Variants in NCOA7 observed in about 807,000 individuals in gnomAD.
NCOA7 encodes the protein 140 kDa estrogen receptor-associated protein.
In NCOA7, 45 loss-of-function variants were observed where a neutral mutation model predicts 104.3. The observed-to-expected ratio is 0.43, with a 90% CI of 0.34 to 0.55. The LOEUF is 0.55. Ranked by LOEUF, NCOA7 falls within the 20% of genes least tolerant of loss-of-function variation. The pLI is 0.02. For missense variants in NCOA7, 1,041 were observed against 1,119.7 expected, an observed-to-expected ratio of 0.93 and a Z score of 1.00; for synonymous variants, 398 against 402.3, an observed-to-expected ratio of 0.99 and a Z score of 0.13.
chr6:125,831,456 T>G (rs1779176033), intron 2 of NCOA7, among the ~76,000 whole-genome samples: 1 of 152,120 alleles, frequency 6.6e-6, no homozygotes, highest in Non-Finnish European at 1.5e-5. Flanking sequence ...TCCAAATTTT[T>G]TATTTCTTTT....
At chr6:125,833,074 T>TA (rs941608965) in intron 2 of NCOA7, among the ~76,000 whole-genome samples, 10 of 152,240 alleles carry the variant, frequency 6.6e-5, no homozygotes, top group African/African-American at 2.4e-4. Context: ...ATCTTCAAAA[T>TA]AAAACTTCTG....
intron 2 of NCOA7, among the ~76,000 whole-genome samples, chr6:125,821,597 C>A (rs1192377081): frequency 2.0e-5 from 3 of 152,082 alleles, no homozygotes; most frequent in Non-Finnish European, 4.4e-5. Context: ...TATAAGCGAC[C>A]TTTTCAAAAA....
At chr6:125,783,830 C>T (rs1774340513) in intron 1 of NCOA7, among the ~76,000 whole-genome samples, 1 of 152,060 alleles carries the variant, frequency 6.6e-6, no homozygotes, top group African/African-American at 2.4e-5. Context: ...ACATGATTTT[C>T]TGTATTTTTT....
intron 1 of NCOA7, among the ~76,000 whole-genome samples, chr6:125,804,462 G>A (rs1467785625): frequency 1.3e-5 from 2 of 152,178 alleles, no homozygotes; most frequent in East Asian, 3.9e-4. Context: ...CAGGTACCCA[G>A]TAGTGATTGA....
intron 2 of NCOA7, among the ~76,000 whole-genome samples, chr6:125,845,924 G>A (rs112028855): frequency 1.1e-4 from 17 of 152,172 alleles, no homozygotes; most frequent in Middle Eastern, 3.4e-3. Flanking sequence ...ATGGAGTCAT[G>A]CTGCAATACT....
chr6:125,890,611 T>C (rs1784557387), intron 9 of NCOA7, 31 bp from the exon 10 acceptor site: 1 of 1,588,092 alleles, frequency 6.3e-7, no homozygotes. Flanking sequence ...ATTGTCAATA[T>C]TGAGGAACAG....
At chr6:125,875,764 A>T (rs1562958882) in intron 4 of NCOA7, among the ~76,000 whole-genome samples, 1 of 152,196 alleles carries the variant, frequency 6.6e-6, no homozygotes, top group Non-Finnish European at 1.5e-5. Flanking sequence ...CTCATGCTTT[A>T]ATTCATATAT....
Position 125,829,263 on chromosome 6 carries a change from G to C in NCOA7, c.50+13859G>C, listed in dbSNP as rs1350564067. Among the ~76,000 whole-genome samples the C allele has an allele frequency of 2.0e-5, 3 of 151,890 alleles. No homozygotes were observed. In the East Asian group the frequency reaches 5.8e-4, roughly 29 times the overall value. On this transcript the variant is annotated intron_variant, in intron 2 of 15. Transcript: ENST00000392477. ...TTGAGCTCCTGTTTCAATTTTTTTA[G>C]TAGAACTTTTACATATTATTTTAAG...
At chr6:125,874,072 C>T (rs1004336808) in intron 3 of NCOA7, among the ~76,000 whole-genome samples, 6 of 152,198 alleles carry the variant, frequency 3.9e-5, no homozygotes, top group Non-Finnish European at 7.3e-5. Flanking sequence ...CACCTGTAAT[C>T]CCAACACTTC....
At chr6:125,809,677 T>G (rs1360948367) in intron 1 of NCOA7, among the ~76,000 whole-genome samples, 2 of 152,206 alleles carry the variant, frequency 1.3e-5, no homozygotes, top group Non-Finnish European at 2.9e-5. Context: ...AACTATTTTC[T>G]AGGAGGAAAT....
At chr6:125,814,480 G>T (rs915796661) in intron 1 of NCOA7, among the ~76,000 whole-genome samples, 2 of 152,172 alleles carry the variant, frequency 1.3e-5, no homozygotes, top group African/African-American at 4.8e-5. Flanking sequence ...AATTTGATAG[G>T]TGAACAAACT....
In NCOA7 at chr6:125,921,021, G is replaced by A. The variant is rs776045538; in HGVS notation, c.2323G>A (p.Val775Ile). 1.2e-5 allele frequency: 20 copies of A among 1,613,806 alleles called. No individual in the cohort carries two copies. The East Asian group carries it at 3.8e-4, about 31-fold the overall frequency. The change falls in exon 12 of 16, where the codon GTC becomes ATC. Residue 775 changes from valine to isoleucine, a missense_variant. By Grantham distance (29) the Val-to-Ile change is conservative. This residue lies in a region of NCOA7 where 914 missense variants were observed against 942.7 expected (regional missense o/e 0.97). Coordinates refer to ENST00000392477, the MANE Select transcript of NCOA7 (RefSeq NM_181782.5). ...YEDEDEEVLP[V>I]LRPHSALLEN... ...AGACGAGGACGAAGAGGTGCTGCCT[G>A]TCCTACGGCCCCACAGCGCGCTCCT...
At chr6:125,804,923 G>T (rs970398676) in intron 1 of NCOA7, among the ~76,000 whole-genome samples, 1 of 151,796 alleles carries the variant, frequency 6.6e-6, no homozygotes, top group Non-Finnish European at 1.5e-5. Flanking sequence ...TGTGCTTTCC[G>T]GTTAGCTCTT....
At chr6:125,918,637 C>CTTA (rs2128693754) in intron 11 of NCOA7, among the ~76,000 whole-genome samples, 1 of 152,270 alleles carries the variant, frequency 6.6e-6, no homozygotes, top group African/African-American at 2.4e-5. Context: ...ACTCATCCTG[C>CTTA]TTATTAGTCA....
chr6:125,921,316 A>G (rs552070108), intron 12 of NCOA7, among the ~76,000 whole-genome samples: 1 of 152,318 alleles, frequency 6.6e-6, no homozygotes, highest in Admixed American at 6.5e-5. Context: ...AGGCTGAGAC[A>G]GGAGAATTGC....
intron 1 of NCOA7, among the ~76,000 whole-genome samples, chr6:125,797,380 T>C (rs1721832302): frequency 6.6e-6 from 1 of 152,208 alleles, no homozygotes; most frequent in Non-Finnish European, 1.5e-5. Flanking sequence ...GATAGCTGAT[T>C]AACAGAGGAT....
chr6:125,910,309 A>G (rs1258996600), intron 10 of NCOA7, among the ~76,000 whole-genome samples: 1 of 152,178 alleles, frequency 6.6e-6, no homozygotes, highest in Non-Finnish European at 1.5e-5. Context: ...CTAGCCAGCA[A>G]CCTATTAGGA....
chr6:125,844,810 G>A (rs1362181801), intron 2 of NCOA7, among the ~76,000 whole-genome samples: 1 of 152,128 alleles, frequency 6.6e-6, no homozygotes, highest in Non-Finnish European at 1.5e-5. Context: ...TGCTTTATAT[G>A]TTCTCTCATT....
intron 11 of NCOA7, among the ~76,000 whole-genome samples, chr6:125,918,275 A>G (rs1055451484): frequency 2.0e-5 from 3 of 152,116 alleles, no homozygotes; most frequent in African/African-American, 7.2e-5. Context: ...GTGCCTGGCA[A>G]AGCACCTGGC....
Sources: gnomAD v4.1 joint callset for allele counts (sites outside exome capture counted in the v4.1 genomes callset) on GRCh38, gnomAD v4.1.1 for gene constraint, gnomAD v4.1.1 regional missense constraint, MANE v1.5 for transcripts, NCBI Gene and HGNC (gene_info 2026-07-23, HGNC 2026-07-21) for gene names.